RBMS1: variants seen among roughly 807,000 people sequenced by gnomAD.
RBMS1 encodes the protein RNA binding motif single stranded interacting protein 1.
Under a neutral mutation model 62.3 loss-of-function variants are expected in RBMS1, and 17 were observed. The ratio of observed to expected loss-of-function variants is 0.27; its 90% CI spans 0.19 to 0.41. The LOEUF (loss-of-function observed/expected upper bound fraction) is 0.41. RBMS1 is among the 10% of genes least tolerant of loss of function. The pLI is 1.00. For missense variants in RBMS1, 334 were observed against 504.5 expected, an observed-to-expected ratio of 0.66 and a Z score of 3.24; for synonymous variants, 172 against 170.0, an observed-to-expected ratio of 1.01 and a Z score of -0.09.
intron 1 of RBMS1, among the ~76,000 whole-genome samples, chr2:160,465,888 A>ACACACACACACTCT (rs569580064): frequency 2.1e-5 from 3 of 145,280 alleles, no homozygotes; most frequent in Non-Finnish European, 3.0e-5. Flanking sequence ...ACACACACAC[A>ACACACACACACTCT]CTCTCACATT....
intron 1 of RBMS1, among the ~76,000 whole-genome samples, chr2:160,482,682 A>C (rs1368973719): frequency 6.6e-6 from 1 of 152,238 alleles, no homozygotes; most frequent in Non-Finnish European, 1.5e-5. Context: ...TATTTAAAAT[A>C]TCTGGCTTCT....
At chr2:160,456,443 G>A (rs868303408) in intron 1 of RBMS1, among the ~76,000 whole-genome samples, 1 of 152,092 alleles carries the variant, frequency 6.6e-6, no homozygotes, top group Non-Finnish European at 1.5e-5. Flanking sequence ...GATAATTAAG[G>A]CTTAAATAAA....
Position 160,324,903 on chromosome 2 carries a change from TATATACACACACACAC to T in RBMS1, c.252-6692_252-6677del, listed in dbSNP as rs1419436616. Among the ~76,000 whole-genome samples, 12 of 118,988 alleles carry T rather than the reference TATATACACACACACAC, an allele frequency of 1.0e-4. No homozygotes were observed. In the East Asian group the frequency reaches 2.3e-3, roughly 23 times the overall value. 78.1% of individuals were successfully genotyped at this position (118,988 alleles called of 152,430 possible). A position where few individuals can be genotyped will look rare whatever the true frequency, so the allele number is the denominator to read the frequency against. On this transcript the variant is annotated intron_variant, in intron 2 of 13. Transcript: ENST00000348849. The stretch of plus-strand genomic sequence containing the variant: ...GTGTGTATATATATATATATATATA[TATATACACACACACAC>T]ACACACACACACACACACATATATA...
At chr2:160,430,463 A>G (rs1448966497) in intron 1 of RBMS1, among the ~76,000 whole-genome samples, 1 of 152,234 alleles carries the variant, frequency 6.6e-6, no homozygotes, top group African/African-American at 2.4e-5. Flanking sequence ...GTGCTTAAAA[A>G]CAAATACAAA....
intron 1 of RBMS1, among the ~76,000 whole-genome samples, chr2:160,388,017 G>A (rs185820153): frequency 1.3e-5 from 2 of 152,202 alleles, no homozygotes; most frequent in Admixed American, 6.5e-5. Flanking sequence ...CAGCTGCTCC[G>A]GTACTACAGC....
At position 160,456,336 on chromosome 2, in the gene RBMS1, G is replaced by A. The variant is rs529704443; in HGVS notation, c.75+36953C>T. ...CCACTGGAAAGATGAGGAAATTGCT[G>A]TTCAATCCAATGTCAGGAAGCTAAA... On this transcript the variant is annotated intron_variant, in intron 1 of 13. Coordinates refer to ENST00000348849, the MANE Select transcript of RBMS1 (RefSeq NM_016836.4). Among the ~76,000 whole-genome samples the A allele has an allele frequency of 1.1e-3, 173 of 152,278 alleles. 2 individuals are homozygous for A. The highest frequency in any genetic ancestry group is 3.8e-3 in the African/African-American group (156 of 41,562).
In RBMS1 at chr2:160,449,536, G is replaced by T. The variant is rs892080601; in HGVS notation, c.75+43753C>A. On this transcript the variant is annotated intron_variant, in intron 1 of 13. Coordinates refer to ENST00000348849, the MANE Select transcript of RBMS1 (RefSeq NM_016836.4). ...AATCTATAACCTTACCCCCAACCCC[G>T]TGCTCTCTGAAACATGTGCTGTGTC... 2.0e-5 allele frequency among the ~76,000 whole-genome samples: 3 copies of T among 152,258 alleles called. No individual in the cohort carries two copies. In the East Asian group the frequency reaches 5.8e-4, roughly 29 times the overall value.
chr2:160,278,755 A>C, intron 10 of RBMS1, 97 bp from the exon 11 acceptor site: 1 of 741,226 alleles, frequency 1.3e-6, no homozygotes, highest in Non-Finnish European at 2.2e-6. Flanking sequence ...AGTTTGTTTA[A>C]GAATGTGAAG....
intron 2 of RBMS1, among the ~76,000 whole-genome samples, chr2:160,366,069 TGCTGGGAG>T (rs1431856076): frequency 6.6e-6 from 1 of 151,740 alleles, no homozygotes; most frequent in Non-Finnish European, 1.5e-5. Flanking sequence ...ACAGGGAGAG[TGCTGGGAG>T]GGATGGCCTT....
chr2:160,333,093 A>G (rs997150522), intron 2 of RBMS1, among the ~76,000 whole-genome samples: 40 of 151,820 alleles, frequency 2.6e-4, no homozygotes, highest in Admixed American at 1.3e-4. Context: ...AGGTGAGTTC[A>G]CTCTTTGCAG....
chr2:160,307,067 T>A (rs767449015), intron 4 of RBMS1, among the ~76,000 whole-genome samples: 10 of 152,052 alleles, frequency 6.6e-5, no homozygotes, highest in Non-Finnish European at 1.3e-4. Flanking sequence ...AAACAGCTAC[T>A]AACGTTCACG....
At chr2:160,450,564 G>C (rs148240614) in intron 1 of RBMS1, among the ~76,000 whole-genome samples, 6 of 56,576 alleles carry the variant, frequency 1.1e-4, no homozygotes, top group East Asian at 1.7e-3. Context: ...AATAAAAAAT[G>C]AAAAAAAAAA....
At chr2:160,365,374 C>T (rs567247782) in intron 2 of RBMS1, among the ~76,000 whole-genome samples, 13 of 152,172 alleles carry the variant, frequency 8.5e-5, no homozygotes, top group African/African-American at 1.7e-4. Context: ...GGCTGCAAAG[C>T]GTTATTGCTG....
At chr2:160,304,022 C>T (rs183151422) in intron 4 of RBMS1, among the ~76,000 whole-genome samples, 2 of 151,616 alleles carry the variant, frequency 1.3e-5, no homozygotes, top group Admixed American at 6.6e-5. Context: ...GGTAATTTAA[C>T]GAAAACAAGA....
intron 3 of RBMS1, among the ~76,000 whole-genome samples, chr2:160,317,074 C>G (rs1172356886): frequency 6.6e-6 from 1 of 152,048 alleles, no homozygotes; most frequent in Non-Finnish European, 1.5e-5. Context: ...ATTCACTGTC[C>G]CAAGGCAAAA....
chr2:160,415,952 C>A (rs1248987241), intron 1 of RBMS1, among the ~76,000 whole-genome samples: 2 of 151,836 alleles, frequency 1.3e-5, no homozygotes, highest in Admixed American at 6.6e-5. Flanking sequence ...TATGGAATTA[C>A]AAATGAATTT....
chr2:160,288,451 C>T (rs10192096), intron 6 of RBMS1, among the ~76,000 whole-genome samples: 3,609 of 152,248 alleles, frequency 0.024, 135 homozygotes, highest in African/African-American at 0.079. Context: ...AAACAAAAAG[C>T]CCAACTGTAA....
intron 1 of RBMS1, among the ~76,000 whole-genome samples, chr2:160,484,722 T>C (rs1685522393): frequency 6.7e-6 from 1 of 150,082 alleles, no homozygotes; most frequent in Admixed American, 6.7e-5. Flanking sequence ...ATACAAAAAA[T>C]TAGCCGGGCA....
chr2:160,377,145 G>A (rs1241470748), intron 1 of RBMS1, among the ~76,000 whole-genome samples: 1 of 151,764 alleles, frequency 6.6e-6, no homozygotes, highest in Non-Finnish European at 1.5e-5. Context: ...CTTTTTGCCT[G>A]ACCTCTCCAT....
Sources: allele counts gnomAD v4.1 joint callset (sites outside exome capture counted in the v4.1 genomes callset), GRCh38; gene constraint gnomAD v4.1.1; transcripts MANE v1.5; gene names NCBI Gene and HGNC (gene_info 2026-07-23, HGNC 2026-07-21).